The following GABRB1 variants were observed in gnomAD, a reference collection of about 807,000 sequenced individuals.
GABRB1 encodes the protein gamma-aminobutyric acid type A receptor subunit beta1.
GABRB1 carries 17 observed loss-of-function variants against 51.6 expected under a neutral mutation model. The ratio of observed to expected loss-of-function variants is 0.33; its 90% confidence interval spans 0.23 to 0.49. The LOEUF is 0.49. Among genes scored for constraint, GABRB1 ranks in the 20% least tolerant of loss-of-function variants. The pLI is 0.99. For missense variants in GABRB1, 410 were observed against 600.6 expected, an observed-to-expected ratio of 0.68 and a Z score of 3.32; for synonymous variants, 247 against 218.9, an observed-to-expected ratio of 1.13 and a Z score of -1.14.
intron 3 of GABRB1, among the ~76,000 whole-genome samples, chr4:47,094,369 G>T (rs940057259): frequency 6.6e-6 from 1 of 151,458 alleles, no homozygotes; most frequent in Non-Finnish European, 1.5e-5. Flanking sequence ...GGGACTACAG[G>T]TGCCCACCAC....
chr4:47,070,811 CTCCATGAATGAGTTCA>C (rs1212849626), intron 3 of GABRB1, among the ~76,000 whole-genome samples: 3 of 152,194 alleles, frequency 2.0e-5, no homozygotes, highest in African/African-American at 7.2e-5. Flanking sequence ...TTTCCACCTA[CTCCATGAATGAGTTCA>C]TCCAGTCTAA....
chr4:47,145,182 A>C (rs1359469645), intron 3 of GABRB1, among the ~76,000 whole-genome samples: 1 of 151,956 alleles, frequency 6.6e-6, no homozygotes, highest in East Asian at 1.9e-4. Context: ...AAGGGGGAAA[A>C]GATGTTGGAA....
intron 3 of GABRB1, among the ~76,000 whole-genome samples, chr4:47,063,231 C>T (rs1458797763): frequency 6.6e-6 from 1 of 152,066 alleles, no homozygotes; most frequent in Admixed American, 6.5e-5. Flanking sequence ...AGGTCAGAAC[C>T]TAACAAGGGC....
At chr4:47,235,980 G>A (rs989211038) in intron 4 of GABRB1, among the ~76,000 whole-genome samples, 6 of 151,966 alleles carry the variant, frequency 3.9e-5, no homozygotes, top group Admixed American at 6.6e-5. Context: ...AAAATGGATT[G>A]AAGTGAACCA....
chr4:47,053,230 C>G (rs1385938580), intron 3 of GABRB1, among the ~76,000 whole-genome samples: 1 of 152,166 alleles, frequency 6.6e-6, no homozygotes, highest in Non-Finnish European at 1.5e-5. Context: ...TTAGTCTGTT[C>G]AGGCTGCTAT....
chr4:46,996,309 T>C (rs942183626), intron 1 of GABRB1, among the ~76,000 whole-genome samples: 1 of 152,142 alleles, frequency 6.6e-6, no homozygotes, highest in African/African-American at 2.4e-5. Flanking sequence ...TTAGCAGAAT[T>C]TGAATTGGGC....
intron 4 of GABRB1, among the ~76,000 whole-genome samples, chr4:47,222,643 A>G (rs1179614470): frequency 6.6e-6 from 1 of 152,142 alleles, no homozygotes; most frequent in African/African-American, 2.4e-5. Context: ...AGTTGACTGC[A>G]TCCACATAAG....
intron 4 of GABRB1, among the ~76,000 whole-genome samples, chr4:47,284,651 T>C (rs952186250): frequency 9.2e-5 from 14 of 152,236 alleles, no homozygotes; most frequent in Admixed American, 2.0e-4. Flanking sequence ...AGTGGCTTTT[T>C]AGCTGTGTTC....
intron 8 of GABRB1, among the ~76,000 whole-genome samples, chr4:47,414,993 A>T (rs878888799): frequency 6.6e-6 from 1 of 152,186 alleles, no homozygotes; most frequent in Admixed American, 6.5e-5. Flanking sequence ...CTGTGTTGAT[A>T]GTTCATGAAT....
intron 3 of GABRB1, among the ~76,000 whole-genome samples, chr4:47,080,348 T>C (rs1170890291): frequency 3.9e-5 from 6 of 152,124 alleles, no homozygotes; most frequent in African/African-American, 1.4e-4. Flanking sequence ...TTAATTAGCT[T>C]TGCAAACATG....
At chr4:47,161,132 G>A in intron 3 of GABRB1, 117 bp from the exon 4 acceptor site, 3 of 694,410 alleles carry the variant, frequency 4.3e-6, no homozygotes, top group Admixed American at 2.9e-5. Flanking sequence ...ATACCTCTAG[G>A]TGCAAATTTT....
chr4:47,021,938 G>A (rs144168608), intron 1 of GABRB1, among the ~76,000 whole-genome samples: 3,216 of 152,106 alleles, frequency 0.021, 55 homozygotes, highest in Non-Finnish European at 0.035. Flanking sequence ...CAATAAATTA[G>A]AGATTTTATT....
intron 4 of GABRB1, among the ~76,000 whole-genome samples, chr4:47,261,654 G>T (rs931888851): frequency 1.3e-5 from 2 of 151,906 alleles, no homozygotes; most frequent in South Asian, 4.2e-4. Context: ...TCCCCATCAA[G>T]CTACCAATGA....
At chr4:47,354,689 G>T (rs1726484853) in intron 5 of GABRB1, among the ~76,000 whole-genome samples, 1 of 152,092 alleles carries the variant, frequency 6.6e-6, no homozygotes, top group Admixed American at 6.6e-5. Context: ...CCTGAAAGTG[G>T]CTGCAGAGAA....
chr4:47,298,898 C>G (rs373155332), intron 4 of GABRB1, among the ~76,000 whole-genome samples: 1 of 151,490 alleles, frequency 6.6e-6, no homozygotes, highest in Non-Finnish European at 1.5e-5. Flanking sequence ...GAGATATAGA[C>G]CAATGGAACA....
At chr4:47,151,139 A>G (rs2109717152) in intron 3 of GABRB1, among the ~76,000 whole-genome samples, 1 of 152,118 alleles carries the variant, frequency 6.6e-6, no homozygotes, top group Non-Finnish European at 1.5e-5. Flanking sequence ...ATCTGATATT[A>G]AGGTTTCCAA....
intron 1 of GABRB1, among the ~76,000 whole-genome samples, chr4:47,005,344 AG>A (rs1020229715): frequency 2.0e-5 from 3 of 152,088 alleles, no homozygotes; most frequent in Non-Finnish European, 4.4e-5. Flanking sequence ...CGTGAACCCG[AG>A]AGGCGGAGCT....
chr4:47,148,786 A>G (rs1442098), intron 3 of GABRB1, among the ~76,000 whole-genome samples: 130,179 of 151,388 alleles, frequency 0.86, 56,005 homozygotes, highest in African/African-American at 0.9. Flanking sequence ...CATCAGCATC[A>G]CTGGCTGATG....
At chr4:47,167,919 C>A (rs1368444662) in intron 4 of GABRB1, among the ~76,000 whole-genome samples, 1 of 152,066 alleles carries the variant, frequency 6.6e-6, no homozygotes, top group Non-Finnish European at 1.5e-5. Context: ...TATAAATTAC[C>A]CAGTTCATGG....
Sources: allele counts gnomAD v4.1 joint callset (sites outside exome capture counted in the v4.1 genomes callset), GRCh38; gene constraint gnomAD v4.1.1; transcripts MANE v1.5; gene names NCBI Gene and HGNC (gene_info 2026-07-23, HGNC 2026-07-21).